The following CDH2 variants were observed in gnomAD, a reference collection of about 807,000 sequenced individuals.
CDH2 encodes the protein cadherin 2.
In CDH2, 17 loss-of-function variants were observed where a neutral mutation model predicts 92.0. That is an observed-to-expected ratio of 0.18 (90% CI 0.13 to 0.28). The LOEUF is 0.28. Among genes scored for constraint, CDH2 ranks in the 10% least tolerant of loss-of-function variants. The pLI is 1.00. For missense variants in CDH2, 862 were observed against 1,133.1 expected (o/e 0.76, Z 3.44); for synonymous variants, 419 against 415.9 (o/e 1.01, Z -0.09).
intron 2 of CDH2, among the ~76,000 whole-genome samples, chr18:28,136,111 C>T (rs2015857702): frequency 6.6e-6 from 1 of 152,158 alleles, no homozygotes; most frequent in African/African-American, 2.4e-5. Flanking sequence ...TTAAAGTTAA[C>T]TTCTGAAATG....
intron 2 of CDH2, among the ~76,000 whole-genome samples, chr18:28,069,064 T>C (rs2014567166): frequency 2.0e-5 from 3 of 152,206 alleles, no homozygotes; most frequent in African/African-American, 4.8e-5. Context: ...GGTATTTCTG[T>C]TTACTCTATG....
intron 2 of CDH2, among the ~76,000 whole-genome samples, chr18:28,130,602 C>CTA: frequency 6.6e-6 from 1 of 152,336 alleles, no homozygotes; most frequent in Admixed American, 6.5e-5. Context: ...TTCACTGGCA[C>CTA]AAGTCCTGAG....
rs1237046474 is a variant in CDH2, at chr18:27,985,032, A to G, written c.2177T>C (p.Ile726Thr). ...GATGATGATGCAGAGCAGGATGGCA[A>G]TGATGGCACCGGTGCCAAGCCCCGC... is the stretch of plus-strand genomic sequence containing the variant. Reference protein sequence around the residue: ...VGAGLGTGAIIAILLCIIILL... With the variant: ...VGAGLGTGAITAILLCIIILL... Residue 726 changes from isoleucine (I) to threonine (T), a missense_variant, in exon 13 of 16, where the codon ATT (isoleucine) becomes ACT (threonine). By Grantham distance (89) the Ile-to-Thr change is moderately conservative (BLOSUM62 -1). Transcript: ENST00000269141. 6.2e-7 allele frequency: 1 copy of G among 1,613,952 alleles called. No individual in the cohort carries two copies. Among genetic ancestry groups the G allele is most frequent in the Non-Finnish European group, 8.5e-7 (1 of 1,179,914 alleles).
chr18:27,965,176 T>TTCA (rs2011504520), intron 14 of CDH2, among the ~76,000 whole-genome samples: 1 of 152,174 alleles, frequency 6.6e-6, no homozygotes, highest in African/African-American at 2.4e-5. Context: ...AAACCATGAG[T>TTCA]GTCTGACTTC....
intron 2 of CDH2, among the ~76,000 whole-genome samples, chr18:28,082,531 A>C (rs549072441): frequency 6.6e-6 from 1 of 152,322 alleles, no homozygotes; most frequent in African/African-American, 2.4e-5. Flanking sequence ...TTTGCCAATC[A>C]GAGATTTTAA....
Position 28,112,848 on chromosome 18 carries a change from C to A in CDH2, c.172+34825G>T, listed in dbSNP as rs1156773397. Among the ~76,000 whole-genome samples the A allele has an allele frequency of 2.0e-5, 3 of 152,112 alleles. No homozygotes were observed. The East Asian group carries it at 5.8e-4, about 29-fold the overall frequency. On this transcript the variant is annotated intron_variant, in intron 2 of 15. Coordinates refer to ENST00000269141, the MANE Select transcript of CDH2 (RefSeq NM_001792.5). ...CTGGCAAGCAAACAAGGCATACAGG[C>A]TTTGCAAGAGTGTATCCTAATTCTC... is the stretch of plus-strand genomic sequence containing the variant.
Position 28,091,257 on chromosome 18 carries a change from A to T in CDH2, c.172+56416T>A, listed in dbSNP as rs566952878. The stretch of plus-strand genomic sequence containing the variant: ...TTGAGAGCAAAGGTGATAAAACTGT[A>T]CTTTCTCCTCAATCCCTCATTTCCC... On this transcript the variant is annotated intron_variant, in intron 2 of 15. Coordinates refer to ENST00000269141, the MANE Select transcript of CDH2 (RefSeq NM_001792.5). 3.5e-4 allele frequency among the ~76,000 whole-genome samples: 53 copies of T among 152,316 alleles called. 1 individual carries two copies. The South Asian group carries it at 0.011, about 31-fold the overall frequency.
At chr18:28,043,493 TAA>T (rs71171658) in intron 2 of CDH2, among the ~76,000 whole-genome samples, 1,349 of 69,252 alleles carry the variant, frequency 0.019, 17 homozygotes, top group African/African-American at 0.032. Context: ...TATATATATA[TAA>T]ATATATATAT....
intron 2 of CDH2, among the ~76,000 whole-genome samples, chr18:28,039,485 T>C (rs1442660168): frequency 6.6e-6 from 1 of 152,192 alleles, no homozygotes; most frequent in African/African-American, 2.4e-5. Context: ...TTCCATTTTA[T>C]AAATGAATTA....
intron 2 of CDH2, among the ~76,000 whole-genome samples, chr18:28,145,617 G>A (rs911102542): frequency 5.3e-5 from 8 of 152,024 alleles, no homozygotes; most frequent in African/African-American, 1.9e-4. Flanking sequence ...CAATTCTCCA[G>A]AAGAAACATT....
intron 7 of CDH2, among the ~76,000 whole-genome samples, chr18:27,997,668 C>T (rs373449186): frequency 7.9e-5 from 12 of 152,116 alleles, no homozygotes; most frequent in African/African-American, 2.7e-4. Flanking sequence ...GTCCTGGTCA[C>T]GTGAAATAGG....
At chr18:28,097,499 G>T (rs1460327478) in intron 2 of CDH2, among the ~76,000 whole-genome samples, 2 of 151,802 alleles carry the variant, frequency 1.3e-5, no homozygotes, top group Non-Finnish European at 2.9e-5. Flanking sequence ...AAGTACAGTT[G>T]ACCCACAGTA....
At chr18:28,133,178 C>T (rs1392418300) in intron 2 of CDH2, among the ~76,000 whole-genome samples, 2 of 152,302 alleles carry the variant, frequency 1.3e-5, no homozygotes, top group Middle Eastern at 3.4e-3. Flanking sequence ...AGGCCATTTG[C>T]TAATGATATG....
chr18:27,944,316 A>G (rs1311110553), intron 6 of CDH2, among the ~76,000 whole-genome samples: 3 of 152,296 alleles, frequency 2.0e-5, no homozygotes, highest in Admixed American at 1.3e-4. Context: ...TTTTTATTCA[A>G]TGTTCCTTAG....
At chr18:28,147,054 A>T (rs2016046389) in intron 2 of CDH2, among the ~76,000 whole-genome samples, 1 of 152,120 alleles carries the variant, frequency 6.6e-6, no homozygotes, top group African/African-American at 2.4e-5. Context: ...GAGTTTCCAT[A>T]TGATAACTAT....
chr18:28,084,755 T>C (rs925458359), intron 2 of CDH2, among the ~76,000 whole-genome samples: 5 of 152,132 alleles, frequency 3.3e-5, no homozygotes, highest in African/African-American at 9.7e-5. Flanking sequence ...CGATCTCTCA[T>C]TCAGATGCAG....
At chr18:27,978,381 C>G (rs2011921105) in intron 14 of CDH2, among the ~76,000 whole-genome samples, 1 of 152,150 alleles carries the variant, frequency 6.6e-6, no homozygotes, top group Non-Finnish European at 1.5e-5. Flanking sequence ...CATAGAACAG[C>G]AGGAAGCTAA....
chr18:27,985,257 G>T, intron 12 of CDH2, 24 bp from the exon 13 acceptor site: 1 of 1,319,872 alleles, frequency 7.6e-7, no homozygotes, highest in African/African-American at 1.5e-5. Context: ...GAAAAACATA[G>T]TTTGATAGGT....
rs2016561104 is a variant in CDH2 at position 28,177,100 on chromosome 18, G to T, written c.-78C>A. On this transcript the variant is annotated 5_prime_UTR_variant, in exon 1 of 16. Coordinates refer to ENST00000269141, the MANE Select transcript of CDH2 (RefSeq NM_001792.5). Reference sequence around the variant, plus strand: ...CGGCGGCGGAGGAGGAGGAGGCAGCGGCAGCACCAACAGCGGCGCGGAGAA... The same window carrying T: ...CGGCGGCGGAGGAGGAGGAGGCAGCTGCAGCACCAACAGCGGCGCGGAGAA... The T allele has an allele frequency of 1.8e-6, 2 of 1,134,064 alleles. No individual in the cohort carries two copies. The highest frequency in any genetic ancestry group is 1.4e-5 in the South Asian group (1 of 69,132). The allele number at this position is 1,134,064 out of a possible 1,614,324, so 70.3% of individuals were successfully genotyped here. A position where few individuals can be genotyped will look rare whatever the true frequency, so the allele number is the denominator to read the frequency against.
Sources: gnomAD v4.1 joint callset for allele counts (sites outside exome capture counted in the v4.1 genomes callset) on GRCh38, gnomAD v4.1.1 for gene constraint, MANE v1.5 for transcripts, NCBI Gene and HGNC (gene_info 2026-07-23, HGNC 2026-07-21) for gene names.